NBEAL1: variants seen among roughly 807,000 people sequenced by gnomAD.
NBEAL1 encodes neurobeachin-like protein 1.
Under a neutral mutation model 351.3 loss-of-function variants are expected in NBEAL1, and 273 were observed. The observed-to-expected ratio is 0.78, with a 90% confidence interval of 0.70 to 0.86. NBEAL1 has a LOEUF of 0.86. Among genes scored for constraint, NBEAL1 ranks in the 40% least tolerant of loss-of-function variants. The pLI, the probability that NBEAL1 is intolerant of heterozygous loss-of-function variation, is 0.00. For synonymous variants in NBEAL1, 1,050 were observed against 1,086.4 expected (o/e 0.97, Z 0.66); for missense variants, 2,961 against 3,201.3 (o/e 0.92, Z 1.81).
intron 8 of NBEAL1, among the ~76,000 whole-genome samples, chr2:203,079,386 A>G (rs1330740848): frequency 4.6e-5 from 7 of 152,328 alleles, no homozygotes; most frequent in Non-Finnish European, 7.4e-5. Context: ...CTAGCCAACA[A>G]AATCACAAGT....
chr2:203,111,342 A>C (rs919949804), intron 15 of NBEAL1, among the ~76,000 whole-genome samples: 1 of 152,128 alleles, frequency 6.6e-6, no homozygotes, highest in Non-Finnish European at 1.5e-5. Flanking sequence ...ATGATAAAAT[A>C]AAATGAGATG....
chr2:203,116,578 C>G lies in NBEAL1; in HGVS notation c.2592+508C>G, dbSNP rs962344784. Among the ~76,000 whole-genome samples, 9 of 149,510 alleles carry G rather than the reference C, an allele frequency of 6.0e-5. No individual in the cohort carries two copies. The Admixed American group carries it at 6.0e-4, about 10-fold the overall frequency. On this transcript the variant is annotated intron_variant, in intron 18 of 55. Transcript: ENST00000683969. ...TTGAGGCCAGGAGTTCCAGACTAGC[C>G]TAAGCAACATAGCGAGACCCCTGTC...
At chr2:203,158,867 T>C (rs1430276329) in intron 36 of NBEAL1, among the ~76,000 whole-genome samples, 1 of 132,934 alleles carries the variant, frequency 7.5e-6, no homozygotes, top group Non-Finnish European at 1.5e-5. Flanking sequence ...TCACCTCAAC[T>C]GGAGTGCAGT....
intron 11 of NBEAL1, among the ~76,000 whole-genome samples, chr2:203,098,659 A>C (rs576139209): frequency 3.3e-5 from 5 of 152,278 alleles, no homozygotes; most frequent in Non-Finnish European, 7.4e-5. Context: ...GATGAAACTT[A>C]AACAGTAATA....
intron 2 of NBEAL1, among the ~76,000 whole-genome samples, chr2:203,036,041 A>G (rs2061035524): frequency 2.0e-5 from 3 of 149,280 alleles, no homozygotes; most frequent in South Asian, 2.1e-4. Context: ...TAAGAAAGTA[A>G]CAGAGCAGGG....
chr2:203,186,506 C>G (rs2064901315), intron 44 of NBEAL1, among the ~76,000 whole-genome samples: 1 of 152,140 alleles, frequency 6.6e-6, no homozygotes, highest in African/African-American at 2.4e-5. Flanking sequence ...AGGACATGCT[C>G]TCAGATCTTC....
intron 17 of NBEAL1, 36 bp from the exon 18 acceptor site, chr2:203,115,949 T>C: frequency 7.6e-7 from 1 of 1,310,328 alleles, no homozygotes; most frequent in Non-Finnish European, 1.1e-6. Context: ...ACCATATATA[T>C]TCAATGGTGT....
rs34866290 is a variant in NBEAL1 at position 203,160,077 on chromosome 2, A to AT, written c.5714+2272dup. Reference sequence around the variant, plus strand: ...ATATGCAAATCACTTGCCCCCCGCTATTTTTTTTTTTTTTTTTTTTAGACA... The same window carrying AT: ...ATATGCAAATCACTTGCCCCCCGCTATTTTTTTTTTTTTTTTTTTTTAGACA... On this transcript the variant is annotated intron_variant, in intron 36 of 55. Coordinates refer to ENST00000683969, the MANE Select transcript of NBEAL1 (RefSeq NM_001378026.1). Among the ~76,000 whole-genome samples the AT allele has an allele frequency of 4.1e-3, 521 of 127,520 alleles. 7 individuals carry two copies. The highest frequency in any genetic ancestry group is 0.012 in the African/African-American group (407 of 34,080). The allele number at this position is 127,520 out of a possible 152,430, so 83.7% of individuals were successfully genotyped here. A position where few individuals can be genotyped will look rare whatever the true frequency, so the allele number is the denominator to read the frequency against.
intron 36 of NBEAL1, among the ~76,000 whole-genome samples, chr2:203,161,785 A>G (rs1293481294): frequency 1.3e-5 from 2 of 152,072 alleles, no homozygotes; most frequent in African/African-American, 4.8e-5. Flanking sequence ...GTAAGCTATG[A>G]TCACCCCACT....
intron 18 of NBEAL1, among the ~76,000 whole-genome samples, chr2:203,120,046 GTCTC>G (rs1400985002): frequency 6.6e-6 from 1 of 152,022 alleles, no homozygotes; most frequent in Non-Finnish European, 1.5e-5. Context: ...ATAAATAAAA[GTCTC>G]TGTCTGTAAG....
At chr2:203,206,387 CCTCTCCCT>C (rs2065558789) in intron 51 of NBEAL1, among the ~76,000 whole-genome samples, 2 of 151,902 alleles carry the variant, frequency 1.3e-5, no homozygotes, top group African/African-American at 2.4e-5. Flanking sequence ...TCTCCCTCTC[CCTCTCCCT>C]CTCTCCCTCT....
At chr2:203,194,651 A>G (rs1195988236) in intron 47 of NBEAL1, among the ~76,000 whole-genome samples, 1 of 152,168 alleles carries the variant, frequency 6.6e-6, no homozygotes, top group Non-Finnish European at 1.5e-5. Flanking sequence ...GGCAAACTCA[A>G]AGATATTCTG....
At chr2:203,158,772 TAA>T (rs2063864056) in intron 36 of NBEAL1, among the ~76,000 whole-genome samples, 1 of 150,500 alleles carries the variant, frequency 6.6e-6, no homozygotes. Flanking sequence ...CCTTTCAGCC[TAA>T]AAGACTTTCT....
At position 203,062,886 on chromosome 2, in the gene NBEAL1, A is replaced by G. The variant is rs1277368027; in HGVS notation, c.515+5433A>G. On this transcript the variant is annotated intron_variant, in intron 6 of 55. Transcript: ENST00000683969. The surrounding 1 kb of genome is among the most constrained non-coding windows in gnomAD (Gnocchi z 4.2). ...CTATACAAAGGGATCTACAGCAATA[A>G]TTTACACCTTATTTATTAATCTGAT... Among the ~76,000 whole-genome samples, 1 of 152,232 alleles carries G rather than the reference A, an allele frequency of 6.6e-6. No homozygotes were observed. Among genetic ancestry groups the G allele is most frequent in the Non-Finnish European group, 1.5e-5 (1 of 68,044 alleles).
intron 8 of NBEAL1, among the ~76,000 whole-genome samples, chr2:203,078,187 A>G (rs1455681754): frequency 1.3e-5 from 2 of 152,176 alleles, no homozygotes; most frequent in African/African-American, 4.8e-5. Context: ...TAAAGACATG[A>G]ATTTATTCAC....
intron 2 of NBEAL1, among the ~76,000 whole-genome samples, chr2:203,016,740 T>C (rs1427341179): frequency 1.3e-5 from 2 of 152,196 alleles, no homozygotes; most frequent in African/African-American, 4.8e-5. Flanking sequence ...TTATTTTTGT[T>C]TGTGCTTTTC....
chr2:203,131,375 C>G (rs751478169), intron 25 of NBEAL1, among the ~76,000 whole-genome samples: 1 of 152,108 alleles, frequency 6.6e-6, no homozygotes, highest in Non-Finnish European at 1.5e-5. Flanking sequence ...ATCACCACAC[C>G]TGGCTAATTT....
At chr2:203,209,472 T>C (rs2065712462) in intron 53 of NBEAL1, 150 bp downstream of exon 53, 1 of 567,136 alleles carries the variant, frequency 1.8e-6, no homozygotes, top group African/African-American at 1.9e-5. Flanking sequence ...TTTCTTAACA[T>C]TAGATGGCCT....
chr2:203,115,964 G>A, intron 17 of NBEAL1, 21 bp from the exon 18 acceptor site: 1 of 1,481,558 alleles, frequency 6.7e-7, no homozygotes, highest in Non-Finnish European at 9.2e-7. Context: ...TGGTGTGTAT[G>A]TGTGTGTAAA....
Sources: gnomAD v4.1 joint callset for allele counts (sites outside exome capture counted in the v4.1 genomes callset) on GRCh38, gnomAD v4.1.1 for gene constraint, Gnocchi (gnomAD v3.1) non-coding constraint, MANE v1.5 for transcripts, NCBI Gene and HGNC (gene_info 2026-07-23, HGNC 2026-07-21) for gene names.